Variants in AVPI1 observed in about 807,000 individuals in gnomAD.
The protein encoded by AVPI1 is arginine vasopressin induced 1.
AVPI1 carries 9 observed loss-of-function variants against 11.9 expected under a neutral mutation model. The observed-to-expected ratio is 0.76, with a 90% CI of 0.46 to 1.32. AVPI1 has a LOEUF of 1.32. Among genes scored for constraint, AVPI1 ranks in the 40% most tolerant of loss-of-function variants. AVPI1 has a pLI of 0.00. For missense variants in AVPI1, 207 were observed against 195.8 expected (o/e 1.06, Z -0.34); for synonymous variants, 68 against 78.1 (o/e 0.87, Z 0.68).
At chr10:97,679,335 G>A (rs2041689993) in intron 2 of AVPI1, among the ~76,000 whole-genome samples, 1 of 151,894 alleles carries the variant, frequency 6.6e-6, no homozygotes, top group African/African-American at 2.4e-5. Flanking sequence ...AGTAGAGACA[G>A]GGTTTCACCA....
At chr10:97,684,417 G>A (rs991058638) in intron 1 of AVPI1, among the ~76,000 whole-genome samples, 3 of 151,632 alleles carry the variant, frequency 2.0e-5, no homozygotes, top group African/African-American at 7.3e-5. Context: ...GGGAGAGTCT[G>A]AGCCTCCAGC....
chr10:97,679,493 A>G (rs1219461252), intron 2 of AVPI1, 126 bp downstream of exon 2: 4 of 1,215,114 alleles, frequency 3.3e-6, no homozygotes, highest in Non-Finnish European at 4.5e-6. Flanking sequence ...TAGACCTTAT[A>G]ACCACCCCAA....
intron 1 of AVPI1, among the ~76,000 whole-genome samples, chr10:97,682,878 T>C (rs555916788): frequency 6.6e-6 from 1 of 152,352 alleles, no homozygotes; most frequent in South Asian, 2.1e-4. Flanking sequence ...ATCTATATGG[T>C]AATTAAGCCC....
chr10:97,681,591 G>A (rs1362648835), intron 1 of AVPI1, among the ~76,000 whole-genome samples: 5 of 150,910 alleles, frequency 3.3e-5, no homozygotes, highest in African/African-American at 9.7e-5. Flanking sequence ...TTAAAAAAAA[G>A]AATACGGCCG....
At chr10:97,686,399 C>T (rs1193816451) in intron 1 of AVPI1, among the ~76,000 whole-genome samples, 14 of 152,138 alleles carry the variant, frequency 9.2e-5, no homozygotes, top group Admixed American at 9.2e-4. Flanking sequence ...CAGTGTCAAG[C>T]GCAGAACAGA....
intron 1 of AVPI1, among the ~76,000 whole-genome samples, chr10:97,683,480 G>A (rs1343139062): frequency 6.6e-6 from 1 of 152,144 alleles, no homozygotes; most frequent in Non-Finnish European, 1.5e-5. Context: ...TTAAACCCCC[G>A]AGCTGGCTTC....
At chr10:97,678,932 T>TTTTCAGAGACA in intron 2 of AVPI1, among the ~76,000 whole-genome samples, 3 of 22,156 alleles carry the variant, frequency 1.4e-4, no homozygotes, top group African/African-American at 3.1e-4. Context: ...TGTGTGTGTG[T>TTTTCAGAGACA]GTGTGTGTGT....
chr10:97,677,745 A>T lies in AVPI1; in HGVS notation c.*124T>A. ...AGTCTTGTTCTGAATGGAGCAGGTC[A>T]GTGGCAGCAGCCTCTTGCTTTCATT... is the stretch of plus-strand genomic sequence containing the variant. On this transcript the variant is annotated 3_prime_UTR_variant, in exon 3 of 3. Coordinates refer to ENST00000370626, the MANE Select transcript of AVPI1 (RefSeq NM_021732.3). The T allele has an allele frequency of 8.7e-7, 1 of 1,150,014 alleles. No homozygotes were observed. Among genetic ancestry groups the T allele is most frequent in the Non-Finnish European group, 1.2e-6 (1 of 809,152 alleles). 71.2% of individuals were successfully genotyped at this position (1,150,014 alleles called of 1,614,324 possible). A position where few individuals can be genotyped will look rare whatever the true frequency, so the allele number is the denominator to read the frequency against.
intron 2 of AVPI1, among the ~76,000 whole-genome samples, chr10:97,678,230 C>T (rs1179814448): frequency 2.0e-5 from 3 of 152,206 alleles, no homozygotes; most frequent in African/African-American, 7.2e-5. Context: ...TGGACCAGAT[C>T]AGGTTGTGCA....
chr10:97,679,587 C>G, intron 2 of AVPI1, 32 bp downstream of exon 2: 1 of 1,577,628 alleles, frequency 6.3e-7, no homozygotes, highest in Non-Finnish European at 8.6e-7. Flanking sequence ...CATTAGTGCT[C>G]TTCCCTCAGC....
At chr10:97,681,373 A>C (rs944762911) in intron 1 of AVPI1, among the ~76,000 whole-genome samples, 4 of 151,868 alleles carry the variant, frequency 2.6e-5, no homozygotes, top group African/African-American at 9.7e-5. Flanking sequence ...ACCTGAGGTC[A>C]GGAGTTCAAG....
chr10:97,679,933 G>GGA lies in AVPI1; in HGVS notation c.-10-20_-10-19dup. The GGA allele has an allele frequency of 6.6e-7, 1 of 1,524,538 alleles. No individual in the cohort carries two copies. Among genetic ancestry groups the GGA allele is most frequent in the Middle Eastern group, 1.7e-4 (1 of 5,870 alleles). The allele number at this position is 1,524,538 out of a possible 1,614,324, so 94.4% of individuals were successfully genotyped here. A position where few individuals can be genotyped will look rare whatever the true frequency, so the allele number is the denominator to read the frequency against. Reference sequence around the variant, plus strand: ...TGGATGCTCTGAGGATGCAAAGCATGGAGACATCATCAACTCAGCTGGTCC... The same window carrying GGA: ...TGGATGCTCTGAGGATGCAAAGCATGGAGAGACATCATCAACTCAGCTGGTCC... On this transcript the variant is annotated intron_variant, in intron 1 of 2. Coordinates refer to ENST00000370626, the MANE Select transcript of AVPI1 (RefSeq NM_021732.3).
intron 1 of AVPI1, among the ~76,000 whole-genome samples, chr10:97,681,886 A>C (rs2041706380): frequency 6.8e-6 from 1 of 146,160 alleles, no homozygotes; most frequent in African/African-American, 2.5e-5. Context: ...CTCCGTCTCA[A>C]AAAAAAAGAA....
chr10:97,686,615 T>C (rs951114404), intron 1 of AVPI1, among the ~76,000 whole-genome samples, 151 bp downstream of exon 1: 2 of 152,166 alleles, frequency 1.3e-5, no homozygotes, highest in African/African-American at 4.8e-5. Context: ...GGAGGTCTTC[T>C]GGGGAAGGTC....
Position 97,682,033 on chromosome 10 carries a change from C to T in AVPI1, c.-10-2118G>A, listed in dbSNP as rs144723659. On this transcript the variant is annotated intron_variant, in intron 1 of 2. Transcript: ENST00000370626. ...TACCCTAGAGATGATTTAAAGCATG[C>T]AGGAGGATGTGCGCAGTCTATAGGC... 3.3e-5 allele frequency among the ~76,000 whole-genome samples: 5 copies of T among 152,194 alleles called. No individual in the cohort carries two copies. The East Asian group carries it at 5.8e-4, about 18-fold the overall frequency.
chr10:97,680,774 A>G (rs938533706), intron 1 of AVPI1, among the ~76,000 whole-genome samples: 5 of 152,218 alleles, frequency 3.3e-5, no homozygotes, highest in African/African-American at 1.2e-4. Flanking sequence ...AATTTAGCAA[A>G]CATAGTATGA....
At chr10:97,686,138 T>A (rs187859870) in intron 1 of AVPI1, among the ~76,000 whole-genome samples, 4 of 152,186 alleles carry the variant, frequency 2.6e-5, no homozygotes, top group Non-Finnish European at 5.9e-5. Flanking sequence ...ATAAGCTTTT[T>A]AAAATAAATG....
chr10:97,680,231 T>C (rs1456260253), intron 1 of AVPI1, among the ~76,000 whole-genome samples: 1 of 152,116 alleles, frequency 6.6e-6, no homozygotes, highest in African/African-American at 2.4e-5. Context: ...TGAACCCAGG[T>C]CTGTCTAGCT....
intron 1 of AVPI1, among the ~76,000 whole-genome samples, chr10:97,684,420 C>T (rs1421364733): frequency 6.6e-6 from 1 of 151,966 alleles, no homozygotes; most frequent in African/African-American, 2.4e-5. Flanking sequence ...AGAGTCTGAG[C>T]CTCCAGCCTC....
Sources: gnomAD v4.1 joint callset for allele counts (sites outside exome capture counted in the v4.1 genomes callset) on GRCh38, gnomAD v4.1.1 for gene constraint, MANE v1.5 for transcripts, NCBI Gene and HGNC (gene_info 2026-07-23, HGNC 2026-07-21) for gene names.